Variants in AHRR observed in about 807,000 individuals in gnomAD.
AHRR encodes ahR repressor.
AHRR carries 28 observed loss-of-function variants against 44.0 expected under a neutral mutation model. The ratio of observed to expected loss-of-function variants is 0.64; its 90% confidence interval spans 0.47 to 0.87. The LOEUF (loss-of-function observed/expected upper bound fraction) is 0.87. Ranked by LOEUF, AHRR falls within the 40% of genes least tolerant of loss-of-function variation. AHRR has a pLI of 0.00. For missense variants in AHRR, 990 were observed against 953.9 expected (o/e 1.04, Z -0.50); for synonymous variants, 434 against 407.0 (o/e 1.07, Z -0.80).
At chr5:362,471 A>G (rs902486687) in intron 3 of AHRR, among the ~76,000 whole-genome samples, 1 of 152,032 alleles carries the variant, frequency 6.6e-6, no homozygotes, top group Non-Finnish European at 1.5e-5. Flanking sequence ...CTGTGCTCCA[A>G]CCCTTTCCCT....
At chr5:365,215 G>A (rs552383407) in intron 3 of AHRR, among the ~76,000 whole-genome samples, 44 of 152,150 alleles carry the variant, frequency 2.9e-4, no homozygotes, top group Admixed American at 7.8e-4. Context: ...TTCAAAGCCC[G>A]CATGGAACTG....
chr5:398,137 ATGTTAGCCCCTGAC>A (rs1406621276), intron 4 of AHRR, among the ~76,000 whole-genome samples: 2,983 of 102,444 alleles, frequency 0.029, 79 homozygotes, highest in African/African-American at 0.096. Flanking sequence ...CTGACCGTCC[ATGTTAGCCCCTGAC>A]CATCCACGTA....
intron 4 of AHRR, among the ~76,000 whole-genome samples, chr5:382,126 G>T (rs2126455049): frequency 6.6e-6 from 1 of 152,232 alleles, no homozygotes. Context: ...TGGTTTTCTT[G>T]TAATGTTTTT....
chr5:344,100 C>G, intron 2 of AHRR, 136 bp downstream of exon 2: 1 of 952,640 alleles, frequency 1.0e-6, no homozygotes, highest in Non-Finnish European at 1.5e-6. Context: ...CGGGGCTGAG[C>G]TCCGGCGCGG....
At position 374,662 on chromosome 5, in the gene AHRR, G is replaced by C. The variant is rs149484207; in HGVS notation, c.245-1948G>C. Reference sequence around the variant, plus strand: ...GGGCTCAGAGACCAGGGAGGGAGGGGAACAGAGAGGCCGAGTCCCAAGGCC... The same window carrying C: ...GGGCTCAGAGACCAGGGAGGGAGGGCAACAGAGAGGCCGAGTCCCAAGGCC... On this transcript the variant is annotated intron_variant, in intron 3 of 10. Transcript: ENST00000684583. Among the ~76,000 whole-genome samples, 1,304 of 152,322 alleles carry C rather than the reference G, an allele frequency of 8.6e-3. 6 individuals carry two copies. The highest frequency in any genetic ancestry group is 0.015 in the Non-Finnish European group (991 of 68,012).
In AHRR at chr5:419,553, T is replaced by G. The variant is rs1735975512; in HGVS notation, c.442-3176T>G. ...AAGGGGAATGTTGCTTGCCTCTGGA[T>G]GCTGGTTCCTCTGCGTTTCACTTCT... On this transcript the variant is annotated intron_variant, in intron 5 of 10. Coordinates refer to ENST00000684583, the MANE Select transcript of AHRR (RefSeq NM_001377236.1). The surrounding 1 kb of genome is among the most constrained non-coding windows in gnomAD (Gnocchi z 4.4). Among the ~76,000 whole-genome samples the G allele has an allele frequency of 6.6e-6, 1 of 152,186 alleles. No homozygotes were observed. The highest frequency in any genetic ancestry group is 2.1e-4 in the South Asian group (1 of 4,822).
chr5:402,236 G>A (rs549443637), intron 4 of AHRR, among the ~76,000 whole-genome samples: 20 of 152,224 alleles, frequency 1.3e-4, no homozygotes, highest in Non-Finnish European at 2.4e-4. Context: ...AATGGAAACC[G>A]TCAGCGAGCT....
chr5:391,266 G>C (rs144096785), intron 4 of AHRR, among the ~76,000 whole-genome samples: 241 of 152,254 alleles, frequency 1.6e-3, no homozygotes, highest in Non-Finnish European at 2.8e-3. Flanking sequence ...GAGCTCTGCG[G>C]GGGGAGCTGA....
intron 1 of AHRR, chr5:343,433 G>T (rs1401540082): frequency 1.1e-5 from 2 of 188,534 alleles, no homozygotes; most frequent in African/African-American, 2.4e-5. Context: ...CCTTCTCGGG[G>T]GTGACGGGAA....
chr5:434,425 A>G lies in AHRR; in HGVS notation c.1685A>G (p.His562Arg). ...TGGCTGGGGGCCAGTGACAGGAGCC[A>G]CCCAGCCACCTTCCCTACCAGGATG... is the stretch of plus-strand genomic sequence containing the variant. The part of the protein sequence containing the change: ...QVWLGASDRS[H>R]PATFPTRMHL... Residue 562 changes from histidine to arginine, a missense_variant, in exon 11 of 11, where the codon CAC (histidine) becomes CGC (arginine). Physicochemically the swap from His to Arg is conservative, Grantham distance 29 (BLOSUM62 0). Transcript: ENST00000684583. The G allele has an allele frequency of 5.0e-6, 8 of 1,613,248 alleles. No homozygotes were observed. The highest frequency in any genetic ancestry group is 6.8e-6 in the Non-Finnish European group (8 of 1,179,958).
intron 10 of AHRR, 105 bp from the exon 11 acceptor site, chr5:433,748 T>A (rs895351198): frequency 7.8e-7 from 1 of 1,285,034 alleles, no homozygotes; most frequent in Non-Finnish European, 1.0e-6. Flanking sequence ...CTTGGCAGAT[T>A]TAGCATCGTC....
chr5:368,861 CTG>C (rs1200154078), intron 3 of AHRR, among the ~76,000 whole-genome samples: 1 of 152,226 alleles, frequency 6.6e-6, no homozygotes, highest in Admixed American at 6.5e-5. Flanking sequence ...TCATTTTGCA[CTG>C]TGAGGAAGTG....
At chr5:336,770 C>A (rs1383986443) in intron 1 of AHRR, among the ~76,000 whole-genome samples, 1 of 152,182 alleles carries the variant, frequency 6.6e-6, no homozygotes, top group African/African-American at 2.4e-5. Context: ...CTTATGTATT[C>A]TTCGGAGTGT....
chr5:418,806 C>A (rs931747626), intron 5 of AHRR: 2 of 152,662 alleles, frequency 1.3e-5, no homozygotes, highest in African/African-American at 4.8e-5. Flanking sequence ...TGGCGCAGCA[C>A]CAGCTACTGT....
At chr5:352,196 T>C (rs1463501392) in intron 2 of AHRR, among the ~76,000 whole-genome samples, 1 of 152,256 alleles carries the variant, frequency 6.6e-6, no homozygotes, top group Non-Finnish European at 1.5e-5. Flanking sequence ...GTTAAATAGG[T>C]CAGCTGTAGG....
intron 2 of AHRR, 142 bp from the exon 3 acceptor site, chr5:353,588 G>T: frequency 1.4e-6 from 1 of 713,886 alleles, no homozygotes; most frequent in South Asian, 1.9e-5. Context: ...AGGCATGGGT[G>T]AGCTTTAGTC....
rs370743118 is a variant in AHRR, at chr5:344,788, C to T, written c.62+824C>T. On this transcript the variant is annotated intron_variant, in intron 2 of 10. Coordinates refer to ENST00000684583, the MANE Select transcript of AHRR (RefSeq NM_001377236.1). ...GTGTGTGTGTGACTGTGCGGGTGTG[C>T]GAGGCTGTGTGAGACTGTGTGTGCG... Among the ~76,000 whole-genome samples the T allele has an allele frequency of 4.8e-4, 42 of 87,036 alleles. 1 individual carries two copies. The East Asian group carries it at 0.012, about 25-fold the overall frequency. The allele number at this position is 87,036 out of a possible 152,430, so 57.1% of individuals were successfully genotyped here.
At chr5:335,751 C>G (rs1742097494) in intron 1 of AHRR, among the ~76,000 whole-genome samples, 1 of 152,240 alleles carries the variant, frequency 6.6e-6, no homozygotes, top group Non-Finnish European at 1.5e-5. Flanking sequence ...CTCCCCCATC[C>G]TGGCTGTTGG....
chr5:379,257 G>C (rs190207063), intron 4 of AHRR, among the ~76,000 whole-genome samples: 2 of 152,158 alleles, frequency 1.3e-5, no homozygotes, highest in Non-Finnish European at 2.9e-5. Context: ...GCTCATCCAC[G>C]GTGCTGCGGG....
Sources: allele counts gnomAD v4.1 joint callset (sites outside exome capture counted in the v4.1 genomes callset), GRCh38; gene constraint gnomAD v4.1.1; non-coding constraint Gnocchi (gnomAD v3.1); transcripts MANE v1.5; gene names NCBI Gene and HGNC (gene_info 2026-07-23, HGNC 2026-07-21).